CHST10: variants seen among roughly 807,000 people sequenced by gnomAD.
CHST10 encodes the protein carbohydrate sulfotransferase 10, also known as HNK-1 sulfotransferase.
A neutral mutation model predicts 34.7 loss-of-function variants in CHST10; 24 were observed. The ratio of observed to expected loss-of-function variants is 0.69; its 90% CI spans 0.50 to 0.97. The LOEUF (loss-of-function observed/expected upper bound fraction) is 0.97, where lower values mean the gene tolerates loss of function less well. CHST10 is among the 50% of genes least tolerant of loss of function. The pLI, the probability that CHST10 is intolerant of heterozygous loss-of-function variation, is 0.00. For synonymous variants in CHST10, 161 were observed against 169.3 expected (o/e 0.95, Z 0.38); for missense variants, 402 against 452.1 (o/e 0.89, Z 1.00).
rs1674835957 is a variant in CHST10 at position 100,392,480 on chromosome 2, C to T, written c.*765G>A. 6.6e-6 allele frequency: 1 copy of T among 152,318 alleles called. No individual in the cohort carries two copies. 9.4% of individuals were successfully genotyped at this position (152,318 alleles called of 1,614,324 possible). On this transcript the variant is annotated 3_prime_UTR_variant, in exon 7 of 7. Transcript: ENST00000264249. ...CCTTTTAAGGCCCTCAAAGACACTCCCCTTCTCAGGTAGAAAAAGCCTCCC... is the reference window on the plus strand; with the variant it reads ...CCTTTTAAGGCCCTCAAAGACACTCTCCTTCTCAGGTAGAAAAAGCCTCCC...
At chr2:100,399,981 G>C (rs777970235) in intron 4 of CHST10, among the ~76,000 whole-genome samples, 1 of 152,130 alleles carries the variant, frequency 6.6e-6, no homozygotes, top group Non-Finnish European at 1.5e-5. Context: ...ACAAGAACGG[G>C]TCTCGTTTAA....
At chr2:100,402,097 AG>A (rs1433384911) in intron 4 of CHST10, among the ~76,000 whole-genome samples, 1 of 152,250 alleles carries the variant, frequency 6.6e-6, no homozygotes, top group Admixed American at 6.5e-5. Context: ...GGGCTCCGCC[AG>A]GAACTCCATG....
chr2:100,397,480 C>G (rs1675113289), intron 5 of CHST10, among the ~76,000 whole-genome samples: 1 of 152,164 alleles, frequency 6.6e-6, no homozygotes, highest in Non-Finnish European at 1.5e-5. Context: ...CTCCCAGGCT[C>G]TACAGTGTGA....
Position 100,393,196 on chromosome 2 carries a change from G to C in CHST10, c.*49C>G, listed in dbSNP as rs1394809151. 1 of 1,577,508 alleles carries C rather than the reference G, an allele frequency of 6.3e-7. No individual in the cohort carries two copies. Among genetic ancestry groups the C allele is most frequent in the South Asian group, 1.2e-5 (1 of 86,284 alleles). On this transcript the variant is annotated 3_prime_UTR_variant, in exon 7 of 7. Coordinates refer to ENST00000264249, the MANE Select transcript of CHST10 (RefSeq NM_004854.5). ...CATTTCTGGGCTCAGATCTTCACCT[G>C]GTTAGCCCCAGGTCTAATAAAGATA... is the stretch of plus-strand genomic sequence containing the variant.
At chr2:100,399,883 G>A (rs566450973) in intron 4 of CHST10, among the ~76,000 whole-genome samples, 29 of 152,182 alleles carry the variant, frequency 1.9e-4, no homozygotes, top group Non-Finnish European at 3.8e-4. Context: ...AGTGGCCTCC[G>A]TTCCTCCCCA....
intron 5 of CHST10, among the ~76,000 whole-genome samples, chr2:100,397,088 C>A (rs1354211582): frequency 1.3e-5 from 2 of 152,148 alleles, no homozygotes; most frequent in Non-Finnish European, 2.9e-5. Context: ...GGACATGGAG[C>A]CTTAGGGCCA....
chr2:100,395,645 G>GGCGA, intron 5 of CHST10, 31 bp from the exon 6 acceptor site: 2 of 1,582,788 alleles, frequency 1.3e-6, no homozygotes, highest in Non-Finnish European at 1.7e-6. Flanking sequence ...AAGGCAGGTT[G>GGCGA]GCTGCTCCAG....
At chr2:100,413,813 A>G (rs1168698265) in intron 2 of CHST10, among the ~76,000 whole-genome samples, 1 of 152,130 alleles carries the variant, frequency 6.6e-6, no homozygotes, top group Non-Finnish European at 1.5e-5. Context: ...CCCCACTTTT[A>G]ATATGCGCAT....
chr2:100,415,421 T>C (rs866056447), intron 1 of CHST10, among the ~76,000 whole-genome samples: 2 of 152,234 alleles, frequency 1.3e-5, no homozygotes, highest in African/African-American at 2.4e-5. Flanking sequence ...GAAATAGTTA[T>C]AGGATTCCTA....
At chr2:100,405,777 A>C (rs1675544171) in intron 3 of CHST10, among the ~76,000 whole-genome samples, 1 of 152,206 alleles carries the variant, frequency 6.6e-6, no homozygotes, top group Admixed American at 6.5e-5. Flanking sequence ...TGAGGACTTC[A>C]ATGACTCCAT....
chr2:100,409,877 T>C (rs1278142571), intron 2 of CHST10, among the ~76,000 whole-genome samples: 2 of 152,110 alleles, frequency 1.3e-5, no homozygotes, highest in Admixed American at 6.5e-5. Context: ...ATACAGAGAG[T>C]CCCTTCCCTG....
chr2:100,401,107 A>G (rs1675320813), intron 4 of CHST10, among the ~76,000 whole-genome samples: 1 of 152,180 alleles, frequency 6.6e-6, no homozygotes, highest in Non-Finnish European at 1.5e-5. Context: ...ATCACCTCTG[A>G]CATCCCCCAC....
At position 100,417,450 on chromosome 2, in the gene CHST10, C is replaced by G. The variant is rs1375430403; in HGVS notation, c.-180G>C. On this transcript the variant is annotated 5_prime_UTR_variant, in exon 1 of 7. Coordinates refer to ENST00000264249, the MANE Select transcript of CHST10 (RefSeq NM_004854.5). ...GGGCGCCGCGCGGGTCGGGCTTCGC[C>G]GGGCCTGTGGGCGAAGCGCGCGGGG... 1 of 167,706 alleles carries G rather than the reference C, an allele frequency of 6.0e-6. No homozygotes were observed. Among genetic ancestry groups the G allele is most frequent in the Non-Finnish European group, 1.3e-5 (1 of 78,152 alleles). The allele number at this position is 167,706 out of a possible 1,614,324, so 10.4% of individuals were successfully genotyped here.
chr2:100,414,731 A>G (rs551713531), intron 2 of CHST10, among the ~76,000 whole-genome samples: 5 of 152,140 alleles, frequency 3.3e-5, no homozygotes, highest in Non-Finnish European at 7.3e-5. Flanking sequence ...GGAGAATGAA[A>G]ACACTCTTAA....
chr2:100,397,860 C>A (rs199717116), intron 5 of CHST10, 48 bp downstream of exon 5: 153 of 1,482,316 alleles, frequency 1.0e-4, no homozygotes, highest in Non-Finnish European at 1.3e-4. Context: ...TCCTCAGCAC[C>A]GGCCACCAAG....
intron 1 of CHST10, chr2:100,416,919 C>T (rs1676090251): frequency 7.8e-7 from 1 of 1,275,198 alleles, no homozygotes; most frequent in Non-Finnish European, 1.0e-6. Flanking sequence ...CAGCGAAGAT[C>T]AGAGGCTCAG....
rs1390884008 is a variant in CHST10, at chr2:100,417,644, G to C, written c.-374C>G. The C allele has an allele frequency of 6.6e-6, 1 of 150,722 alleles. No individual in the cohort carries two copies. The highest frequency in any genetic ancestry group is 1.5e-5 in the Non-Finnish European group (1 of 67,556). The allele number at this position is 150,722 out of a possible 1,614,324, so 9.3% of individuals were successfully genotyped here. On this transcript the variant is annotated 5_prime_UTR_variant, in exon 1 of 7. Transcript: ENST00000264249. ...GCACCGCCTCACGCGGCCCCCTCGC[G>C]CCTATCCGGCCGTGCGCGCCGCCTG...
rs150928616 is a variant in CHST10, at chr2:100,414,334, A to G, written c.-33+707T>C. 1.2e-3 allele frequency among the ~76,000 whole-genome samples: 179 copies of G among 151,916 alleles called. 1 individual carries two copies. Among genetic ancestry groups the G allele is most frequent in the African/African-American group, 4.2e-3 (173 of 41,236 alleles). On this transcript the variant is annotated intron_variant, in intron 2 of 6. Coordinates refer to ENST00000264249, the MANE Select transcript of CHST10 (RefSeq NM_004854.5). Reference sequence around the variant, plus strand: ...ATCACATGTCCAGGGCTCAACTTTTAAAACACAGCCAGACTCTAAAGGAAA... The same window carrying G: ...ATCACATGTCCAGGGCTCAACTTTTGAAACACAGCCAGACTCTAAAGGAAA...
At chr2:100,395,832 G>A (rs1675033441) in intron 5 of CHST10, among the ~76,000 whole-genome samples, 1 of 152,162 alleles carries the variant, frequency 6.6e-6, no homozygotes, top group Admixed American at 6.5e-5. Flanking sequence ...AAGCCAACTA[G>A]AGGAAACTGA....
Sources: gnomAD v4.1 joint callset for allele counts (sites outside exome capture counted in the v4.1 genomes callset) on GRCh38, gnomAD v4.1.1 for gene constraint, MANE v1.5 for transcripts, NCBI Gene and HGNC (gene_info 2026-07-23, HGNC 2026-07-21) for gene names.